PCDHGA2: variants seen among roughly 807,000 people sequenced by gnomAD.
The protein encoded by PCDHGA2 is protocadherin gamma-A2.
PCDHGA2 carries 40 observed loss-of-function variants against 59.2 expected under a neutral mutation model. The ratio of observed to expected loss-of-function variants is 0.68; its 90% CI spans 0.52 to 0.88. The LOEUF is 0.88. PCDHGA2 is among the 40% of genes least tolerant of loss of function. The pLI is 0.00. For synonymous variants in PCDHGA2, 560 were observed against 526.0 expected (o/e 1.06, Z -0.89); for missense variants, 1,226 against 1,204.0 (o/e 1.02, Z -0.27).
rs1487863444 is a variant in PCDHGA2 at position 141,491,016 on chromosome 5, G to A, written c.2425-3791G>A. On this transcript the variant is annotated intron_variant, in intron 1 of 3. Transcript: ENST00000394576. This position sits in a 1 kb window ranked among gnomAD's most constrained non-coding sequence, Gnocchi z 6.9. ...CTCCTGGCTCCTTGGTCACCAAGGTGACAGCCGTGGATGCTGATGCAGGCC... is the reference window on the plus strand; with the variant it reads ...CTCCTGGCTCCTTGGTCACCAAGGTAACAGCCGTGGATGCTGATGCAGGCC... 2.5e-6 allele frequency: 4 copies of A among 1,614,136 alleles called. No individual in the cohort carries two copies. The African/African-American group carries it at 5.3e-5, about 22-fold the overall frequency.
At position 141,361,013 on chromosome 5, in the gene PCDHGA2, A is replaced by G. The variant is rs185853995; in HGVS notation, c.2424+19618A>G. 4.3e-6 allele frequency: 7 copies of G among 1,613,268 alleles called. No individual in the cohort carries two copies. The East Asian group carries it at 1.6e-4, about 36-fold the overall frequency. On this transcript the variant is annotated intron_variant, in intron 1 of 3. Transcript: ENST00000394576. Reference sequence around the variant, plus strand: ...GACGAACAAGTGAAACACTTTTTCAACTTAAATGAAAAAACAGGAGAAATC... The same window carrying G: ...GACGAACAAGTGAAACACTTTTTCAGCTTAAATGAAAAAACAGGAGAAATC...
intron 1 of PCDHGA2, among the ~76,000 whole-genome samples, chr5:141,467,109 A>G (rs1431550069): frequency 2.0e-5 from 3 of 150,594 alleles, no homozygotes; most frequent in African/African-American, 4.9e-5. Context: ...CTGGAGTACA[A>G]TGGTGCAATC....
chr5:141,362,306 G>A, intron 1 of PCDHGA2: 1 of 1,614,050 alleles, frequency 6.2e-7, no homozygotes, highest in Non-Finnish European at 8.5e-7. Context: ...TCAGATGCTT[G>A]GGACTGTTTT....
chr5:141,489,334 C>T lies in PCDHGA2; in HGVS notation c.2425-5473C>T, dbSNP rs768635851. On this transcript the variant is annotated intron_variant, in intron 1 of 3. Transcript: ENST00000394576. This position sits in a 1 kb window ranked among gnomAD's most constrained non-coding sequence, Gnocchi z 4.5. ...CTGGGGCTGGGTGTCTGGGCAGCTTCGTTACTCAGTGGTGGAGGAGTCTGA... is the reference window on the plus strand; with the variant it reads ...CTGGGGCTGGGTGTCTGGGCAGCTTTGTTACTCAGTGGTGGAGGAGTCTGA... The T allele has an allele frequency of 3.7e-6, 6 of 1,606,732 alleles. No individual in the cohort carries two copies. The highest frequency in any genetic ancestry group is 1.1e-5 in the South Asian group (1 of 90,048).
chr5:141,511,233 TACCTGC>T lies in PCDHGA2; in HGVS notation c.*64_*69del. 4 of 1,595,428 alleles carry T rather than the reference TACCTGC, an allele frequency of 2.5e-6. No individual in the cohort carries two copies. The highest frequency in any genetic ancestry group is 3.4e-6 in the Non-Finnish European group (4 of 1,170,894). ...CTCCCCAACCAGCCCAGCTTCTCCT[TACCTGC>T]ACCCAGGCCTCAGAGTTTCAGGGCT... On this transcript the variant is annotated 3_prime_UTR_variant, in exon 4 of 4. Transcript: ENST00000394576.
At chr5:141,342,781 T>C (rs1281398889) in intron 1 of PCDHGA2, 1 of 152,236 alleles carries the variant, frequency 6.6e-6, no homozygotes, top group Admixed American at 6.5e-5. Context: ...ATATATTGTA[T>C]TTATATTTCT....
chr5:141,389,323 G>A (rs1230521211), intron 1 of PCDHGA2: 1 of 1,613,862 alleles, frequency 6.2e-7, no homozygotes. Context: ...CCGGACTTGG[G>A]GCCCAACGGC....
At position 141,389,973 on chromosome 5, in the gene PCDHGA2, A is replaced by C. The variant is rs375422602; in HGVS notation, c.2424+48578A>C. On this transcript the variant is annotated intron_variant, in intron 1 of 3. Coordinates refer to ENST00000394576, the MANE Select transcript of PCDHGA2 (RefSeq NM_018915.4). Reference sequence around the variant, plus strand: ...TTACCTAGTGGTGGCCTTGGCCTTGATCTCAGTGCTCTTCCTCGTGGCCAT... The same window carrying C: ...TTACCTAGTGGTGGCCTTGGCCTTGCTCTCAGTGCTCTTCCTCGTGGCCAT... 82 of 1,613,684 alleles carry C rather than the reference A, an allele frequency of 5.1e-5. No homozygotes were observed. The highest frequency in any genetic ancestry group is 6.5e-5 in the Non-Finnish European group (77 of 1,179,850).
intron 1 of PCDHGA2, chr5:141,400,717 G>A: frequency 1.5e-6 from 1 of 672,320 alleles, no homozygotes; most frequent in Non-Finnish European, 2.5e-6. Context: ...TAGCCTTATA[G>A]ATTTACAAAG....
rs1029080327 is a variant in PCDHGA2 at position 141,512,737 on chromosome 5, G to C, written c.*1564G>C. 6.5e-5 allele frequency: 10 copies of C among 152,868 alleles called. No individual in the cohort carries two copies. The highest frequency in any genetic ancestry group is 2.4e-4 in the African/African-American group (10 of 41,472). 9.5% of individuals were successfully genotyped at this position (152,868 alleles called of 1,614,324 possible). On this transcript the variant is annotated 3_prime_UTR_variant, in exon 4 of 4. Transcript: ENST00000394576. Reference sequence around the variant, plus strand: ...ATGGCGGGTGGGCAGCGGGCGGCGGGCTCCGCGCAGCCGTCTGTCCTTGAT... The same window carrying C: ...ATGGCGGGTGGGCAGCGGGCGGCGGCCTCCGCGCAGCCGTCTGTCCTTGAT...
chr5:141,421,834 CGA>C lies in PCDHGA2; in HGVS notation c.2425-72968_2425-72967del, dbSNP rs763631483. The C allele has an allele frequency of 2.1e-5, 34 of 1,613,630 alleles. No homozygotes were observed. The Admixed American group carries it at 5.5e-4, about 26-fold the overall frequency. ...GCTAGTACTGGAGGGAAGCCTGGAC[CGA>C]GAGAAAGAGGCTGCTCACCTGCTCC... On this transcript the variant is annotated intron_variant, in intron 1 of 3. Transcript: ENST00000394576.
Position 141,372,058 on chromosome 5 carries a change from G to T in PCDHGA2, c.2424+30663G>T, listed in dbSNP as rs769464516. ...AGCCTGCGCGTGTTGGTGGACGACC[G>T]CAACGACAATGCACCGCTGGTGCTG... On this transcript the variant is annotated intron_variant, in intron 1 of 3. Transcript: ENST00000394576. The T allele has an allele frequency of 8.1e-6, 13 of 1,613,556 alleles. No individual in the cohort carries two copies. In the East Asian group the frequency reaches 2.9e-4, roughly 36 times the overall value.
At chr5:141,363,384 T>C (rs2149845337) in intron 1 of PCDHGA2, among the ~76,000 whole-genome samples, 1 of 152,366 alleles carries the variant, frequency 6.6e-6, no homozygotes, top group African/African-American at 2.4e-5. Flanking sequence ...TTTTTCTATT[T>C]CTGTTGTCAT....
chr5:141,372,132 C>A, intron 1 of PCDHGA2: 1 of 1,613,718 alleles, frequency 6.2e-7, no homozygotes, highest in Non-Finnish European at 8.5e-7. Flanking sequence ...TATGGTGCCG[C>A]GCTCTGCAGA....
intron 1 of PCDHGA2, chr5:141,410,849 CTT>C (rs759346998): frequency 0.032 from 4,298 of 136,266 alleles, no homozygotes; most frequent in South Asian, 0.069. Flanking sequence ...TTGTCTTTGT[CTT>C]TTTTTTTTTT....
intron 1 of PCDHGA2, chr5:141,346,548 C>T: frequency 6.5e-7 from 1 of 1,526,898 alleles, no homozygotes; most frequent in Non-Finnish European, 8.9e-7. Flanking sequence ...AGAAATAAAG[C>T]CATGAGGTTG....
chr5:141,344,359 T>G, intron 1 of PCDHGA2: 1 of 1,613,768 alleles, frequency 6.2e-7, no homozygotes, highest in Non-Finnish European at 8.5e-7. Flanking sequence ...ATTAACATTC[T>G]GGTTGAGGAT....
At chr5:141,379,309 C>T (rs1297432422) in intron 1 of PCDHGA2, 3 of 152,102 alleles carry the variant, frequency 2.0e-5, no homozygotes, top group Admixed American at 1.3e-4. Context: ...TATACCTAAA[C>T]AAGAGATCTA....
chr5:141,398,937 C>A, intron 1 of PCDHGA2: 1 of 1,613,902 alleles, frequency 6.2e-7, no homozygotes. Context: ...CTGACCAAGA[C>A]GAGGGCATCA....
Sources: allele counts gnomAD v4.1 joint callset (sites outside exome capture counted in the v4.1 genomes callset), GRCh38; gene constraint gnomAD v4.1.1; non-coding constraint Gnocchi (gnomAD v3.1); transcripts MANE v1.5; gene names NCBI Gene and HGNC (gene_info 2026-07-23, HGNC 2026-07-21).